EFNA5: variants seen among roughly 807,000 people sequenced by gnomAD.
The protein encoded by EFNA5 is ephrin A5, also known as ephrin-A5.
EFNA5 carries 5 observed loss-of-function variants against 22.9 expected under a neutral mutation model. The ratio of observed to expected loss-of-function variants is 0.22; its 90% CI spans 0.11 to 0.46. The LOEUF is 0.46. EFNA5 is among the 20% of genes least tolerant of loss of function. The pLI is 0.99. For synonymous variants in EFNA5, 113 were observed against 112.2 expected, an observed-to-expected ratio of 1.01 and a Z score of -0.04; for missense variants, 237 against 293.3, an observed-to-expected ratio of 0.81 and a Z score of 1.40.
chr5:107,594,197 C>A (rs140430479), intron 1 of EFNA5, among the ~76,000 whole-genome samples: 2 of 152,184 alleles, frequency 1.3e-5, no homozygotes, highest in Non-Finnish European at 2.9e-5. Flanking sequence ...AATTGTGAGG[C>A]TCTTTTATCA....
chr5:107,480,167 A>G (rs1750419968), intron 1 of EFNA5, among the ~76,000 whole-genome samples: 1 of 152,234 alleles, frequency 6.6e-6, no homozygotes, highest in Non-Finnish European at 1.5e-5. Flanking sequence ...AGCTCTAGTT[A>G]AAATGGGAAA....
chr5:107,460,404 T>G (rs767611613), intron 1 of EFNA5, among the ~76,000 whole-genome samples: 2 of 152,282 alleles, frequency 1.3e-5, no homozygotes, highest in Non-Finnish European at 2.9e-5. Context: ...GAACTATCCA[T>G]GAGTGCAAAA....
chr5:107,592,373 G>T (rs1214552056), intron 1 of EFNA5, among the ~76,000 whole-genome samples: 1 of 151,744 alleles, frequency 6.6e-6, no homozygotes, highest in Non-Finnish European at 1.5e-5. Flanking sequence ...TGACCAAGAA[G>T]TCAACTGATG....
At chr5:107,641,029 C>T (rs868055253) in intron 1 of EFNA5, among the ~76,000 whole-genome samples, 3 of 138,934 alleles carry the variant, frequency 2.2e-5, no homozygotes, top group African/African-American at 7.9e-5. Context: ...GATAGACAGA[C>T]AGACAGACAG....
At position 107,398,803 on chromosome 5, in the gene EFNA5, C is replaced by T. The variant is rs1748000245; in HGVS notation, c.419-11032G>A. Among the ~76,000 whole-genome samples, 3 of 143,724 alleles carry T rather than the reference C, an allele frequency of 2.1e-5. No individual in the cohort carries two copies. The Admixed American group carries it at 2.2e-4, about 11-fold the overall frequency. The allele number at this position is 143,724 out of a possible 152,430, so 94.3% of individuals were successfully genotyped here. A position where few individuals can be genotyped will look rare whatever the true frequency, so the allele number is the denominator to read the frequency against. ...CCAGGAGGTCAAAGCTGCAGTGAGC[C>T]GTGTCTGTACCACTGCACTCCAGCC... On this transcript the variant is annotated intron_variant, in intron 2 of 4. Transcript: ENST00000333274.
intron 1 of EFNA5, among the ~76,000 whole-genome samples, chr5:107,622,215 A>G (rs185579472): frequency 1.3e-5 from 2 of 152,302 alleles, no homozygotes; most frequent in South Asian, 2.1e-4. Flanking sequence ...CTGGAGCCCA[A>G]GCAGCCATTG....
chr5:107,381,417 T>A (rs751538590), intron 4 of EFNA5, 41 bp from the exon 5 acceptor site: 1 of 1,577,158 alleles, frequency 6.3e-7, no homozygotes, highest in Non-Finnish European at 8.7e-7. Context: ...AGATTTCACA[T>A]CCTTAATAAC....
chr5:107,418,232 C>CAAGTGTTATT (rs1748557595), intron 2 of EFNA5, among the ~76,000 whole-genome samples: 1 of 152,134 alleles, frequency 6.6e-6, no homozygotes, highest in Non-Finnish European at 1.5e-5. Flanking sequence ...CACTGTTATT[C>CAAGTGTTATT]CAAGTGTCAC....
intron 1 of EFNA5, among the ~76,000 whole-genome samples, chr5:107,606,018 A>G (rs1749705440): frequency 6.6e-6 from 1 of 152,194 alleles, no homozygotes; most frequent in South Asian, 2.1e-4. Context: ...AACAGAGACG[A>G]GCAGTGGACT....
intron 1 of EFNA5, among the ~76,000 whole-genome samples, chr5:107,642,643 T>G (rs1393019206): frequency 6.6e-6 from 1 of 152,164 alleles, no homozygotes; most frequent in Non-Finnish European, 1.5e-5. Flanking sequence ...AATATGTGTG[T>G]TTTTACTTTC....
intron 1 of EFNA5, among the ~76,000 whole-genome samples, chr5:107,668,661 G>C (rs1033995622): frequency 6.6e-6 from 1 of 152,110 alleles, no homozygotes; most frequent in Non-Finnish European, 1.5e-5. Flanking sequence ...AACTATTTCA[G>C]TGTTGCTTTA....
chr5:107,565,819 A>G (rs902340469), intron 1 of EFNA5, among the ~76,000 whole-genome samples: 6 of 152,252 alleles, frequency 3.9e-5, no homozygotes, highest in African/African-American at 9.6e-5. Flanking sequence ...AAACAGAAAA[A>G]TAAGAGCTGA....
chr5:107,387,791 A>G lies in EFNA5; in HGVS notation c.419-20T>C, dbSNP rs777205754. 7.6e-5 allele frequency: 118 copies of G among 1,549,504 alleles called. No homozygotes were observed. Among genetic ancestry groups the G allele is most frequent in the Non-Finnish European group, 1.0e-4 (116 of 1,128,436 alleles). ...CAGAGGCTGTGGGTAACACAGAGAG[A>G]GAGCAGGAAAGAAAGAAGAGAACAA... On this transcript the variant is annotated intron_variant, in intron 2 of 4. Transcript: ENST00000333274.
At chr5:107,568,805 A>G (rs1748715673) in intron 1 of EFNA5, among the ~76,000 whole-genome samples, 1 of 152,232 alleles carries the variant, frequency 6.6e-6, no homozygotes, top group Non-Finnish European at 1.5e-5. Context: ...AGAATATCTT[A>G]TATATAAAAT....
chr5:107,576,778 T>C (rs1206568645), intron 1 of EFNA5, among the ~76,000 whole-genome samples: 1 of 151,826 alleles, frequency 6.6e-6, no homozygotes, highest in Admixed American at 6.5e-5. Context: ...CATACTGTTA[T>C]TTAACTGCAA....
At chr5:107,599,137 C>T (rs942192685) in intron 1 of EFNA5, among the ~76,000 whole-genome samples, 2 of 152,180 alleles carry the variant, frequency 1.3e-5, no homozygotes, top group African/African-American at 4.8e-5. Flanking sequence ...TCAGTAGACA[C>T]ATATTTGAAA....
At chr5:107,433,585 A>T (rs1479456790) in intron 1 of EFNA5, among the ~76,000 whole-genome samples, 1 of 152,164 alleles carries the variant, frequency 6.6e-6, no homozygotes, top group African/African-American at 2.4e-5. Flanking sequence ...TTAATTTTCA[A>T]TTTAAAGCCA....
At chr5:107,488,794 C>A (rs1746717585) in intron 1 of EFNA5, among the ~76,000 whole-genome samples, 1 of 152,148 alleles carries the variant, frequency 6.6e-6, no homozygotes, top group Non-Finnish European at 1.5e-5. Flanking sequence ...TGGGTTGAAG[C>A]GAGTCTCCCG....
At position 107,425,653 on chromosome 5, in the gene EFNA5, G is replaced by A. The variant is rs542436972; in HGVS notation, c.418+1564C>T. Among the ~76,000 whole-genome samples the A allele has an allele frequency of 2.7e-4, 41 of 152,228 alleles. No individual in the cohort carries two copies. In the South Asian group the frequency reaches 4.6e-3, roughly 17 times the overall value. ...TGAGATAGTATCAAGGCTTTTGCAT[G>A]TTTTCTCATGACTAATGACTGAAAT... is the stretch of plus-strand genomic sequence containing the variant. On this transcript the variant is annotated intron_variant, in intron 2 of 4. Transcript: ENST00000333274.
Sources: allele counts gnomAD v4.1 joint callset (sites outside exome capture counted in the v4.1 genomes callset), GRCh38; gene constraint gnomAD v4.1.1; transcripts MANE v1.5; gene names NCBI Gene and HGNC (gene_info 2026-07-23, HGNC 2026-07-21).